The following PLXNC1 variants were observed in gnomAD, a reference collection of about 807,000 sequenced individuals.
The protein encoded by PLXNC1 is plexin-C1.
In PLXNC1, 75 loss-of-function variants were observed where a neutral mutation model predicts 178.2. The observed-to-expected ratio is 0.42, with a 90% CI of 0.35 to 0.51. The LOEUF (loss-of-function observed/expected upper bound fraction) is 0.51. PLXNC1 is among the 20% of genes least tolerant of loss of function. The pLI is 0.02. For synonymous variants in PLXNC1, 790 were observed against 779.9 expected (o/e 1.01, Z -0.22); for missense variants, 1,503 against 1,984.4 (o/e 0.76, Z 4.61).
intron 21 of PLXNC1, among the ~76,000 whole-genome samples, chr12:94,274,824 C>A (rs1565847293): frequency 6.6e-6 from 1 of 152,164 alleles, no homozygotes; most frequent in Non-Finnish European, 1.5e-5. Context: ...CCTCTCTGTG[C>A]CTCAGTTTCT....
intron 3 of PLXNC1, 50 bp from the exon 4 acceptor site, chr12:94,186,323 C>T: frequency 1.5e-6 from 2 of 1,342,320 alleles, no homozygotes; most frequent in South Asian, 1.2e-5. Flanking sequence ...TTGTAGTTTT[C>T]CTGCTGTTGC....
At chr12:94,240,167 CT>C (rs1256130316) in intron 10 of PLXNC1, among the ~76,000 whole-genome samples, 5 of 152,168 alleles carry the variant, frequency 3.3e-5, no homozygotes, top group East Asian at 1.9e-4. Flanking sequence ...ATCCACAATT[CT>C]TAACATAATG....
intron 1 of PLXNC1, among the ~76,000 whole-genome samples, chr12:94,164,851 G>A (rs1316063483): frequency 6.6e-6 from 1 of 152,156 alleles, no homozygotes; most frequent in African/African-American, 2.4e-5. Flanking sequence ...CCCTCTTAGA[G>A]CCGGCAAACG....
chr12:94,191,668 C>T (rs1219513406), intron 4 of PLXNC1, among the ~76,000 whole-genome samples: 1 of 151,762 alleles, frequency 6.6e-6, no homozygotes, highest in Non-Finnish European at 1.5e-5. Flanking sequence ...CCTGTAATCC[C>T]AGCAACACGG....
In PLXNC1 at chr12:94,149,406, C is replaced by G; in HGVS notation, c.435C>G (p.Asn145Lys). ...EVRPLGNLSR[N>K]SLRNGTEVVS... ...GGCCCCTGGGCAACCTGAGCCGCAA[C>G]TCCCTGCGCAACGGCACCGAGGTGG... The change falls in exon 1 of 31, where the codon AAC (asparagine) becomes AAG (lysine). Residue 145 changes from asparagine (N) to lysine (K), a missense_variant. Asn to Lys is a moderately conservative substitution (Grantham distance 94). Coordinates refer to ENST00000258526, the MANE Select transcript of PLXNC1 (RefSeq NM_005761.3). The G allele has an allele frequency of 7.0e-7, 1 of 1,434,208 alleles. No homozygotes were observed. Among genetic ancestry groups the G allele is most frequent in the Non-Finnish European group, 9.1e-7 (1 of 1,103,868 alleles). The allele number at this position is 1,434,208 out of a possible 1,614,324, so 88.8% of individuals were successfully genotyped here.
intron 27 of PLXNC1, 127 bp downstream of exon 27, chr12:94,298,922 T>G: frequency 2.3e-6 from 2 of 874,714 alleles, no homozygotes; most frequent in South Asian, 3.6e-5. Context: ...CTTGGTAAGC[T>G]ATCATGTCAA....
At chr12:94,281,430 T>A (rs547859170) in intron 22 of PLXNC1, among the ~76,000 whole-genome samples, 236 of 152,238 alleles carry the variant, frequency 1.6e-3, no homozygotes, top group Non-Finnish European at 3.0e-3. Flanking sequence ...CAGAAAGCAG[T>A]GGAGCTTGAC....
intron 2 of PLXNC1, among the ~76,000 whole-genome samples, chr12:94,174,146 A>G (rs750937423): frequency 6.6e-6 from 1 of 151,874 alleles, no homozygotes; most frequent in Admixed American, 6.6e-5. Flanking sequence ...CTGGTTACCT[A>G]TGTGGCCCTC....
Position 94,306,600 on chromosome 12 carries a change from T to C in PLXNC1, c.*1315T>C, listed in dbSNP as rs542845120. On this transcript the variant is annotated 3_prime_UTR_variant, in exon 31 of 31. Transcript: ENST00000258526. ...AGCTTTTCTTGTGGCAGGCACCTTT[T>C]ACCCTTGGTGCTCCAAATCCCCCAT... 8.5e-5 allele frequency: 13 copies of C among 152,334 alleles called. No homozygotes were observed. In the East Asian group the frequency reaches 2.5e-3, roughly 29 times the overall value. 9.4% of individuals were successfully genotyped at this position (152,334 alleles called of 1,614,324 possible). A position where few individuals can be genotyped will look rare whatever the true frequency, so the allele number is the denominator to read the frequency against.
intron 22 of PLXNC1, among the ~76,000 whole-genome samples, chr12:94,281,452 G>A (rs1453151049): frequency 1.3e-5 from 2 of 152,274 alleles, no homozygotes; most frequent in Admixed American, 6.5e-5. Context: ...TAATGGGAAA[G>A]GACTCGCCAT....
chr12:94,212,416 G>T (rs1305086328), intron 5 of PLXNC1, among the ~76,000 whole-genome samples: 1 of 151,816 alleles, frequency 6.6e-6, no homozygotes, highest in Non-Finnish European at 1.5e-5. Context: ...ATGTTGGTTT[G>T]CTGCACCCAT....
At chr12:94,279,329 T>C (rs1320496869) in intron 21 of PLXNC1, 143 bp from the exon 22 acceptor site, 4 of 629,268 alleles carry the variant, frequency 6.4e-6, no homozygotes, top group Non-Finnish European at 8.3e-6. Flanking sequence ...GGAGAAAAGA[T>C]GAAAGTAGTC....
At chr12:94,182,569 C>A (rs1261317607) in intron 3 of PLXNC1, among the ~76,000 whole-genome samples, 1 of 149,918 alleles carries the variant, frequency 6.7e-6, no homozygotes, top group Non-Finnish European at 1.5e-5. Context: ...ACTAAAAATA[C>A]AAACAATTAG....
intron 4 of PLXNC1, among the ~76,000 whole-genome samples, chr12:94,193,979 A>G (rs1273775978): frequency 6.6e-6 from 1 of 152,204 alleles, no homozygotes; most frequent in Non-Finnish European, 1.5e-5. Flanking sequence ...GGTAATTTAT[A>G]AAGAAAAGAG....
At chr12:94,157,284 A>AGT (rs1961210953) in intron 1 of PLXNC1, among the ~76,000 whole-genome samples, 2 of 152,164 alleles carry the variant, frequency 1.3e-5, no homozygotes, top group Non-Finnish European at 2.9e-5. Flanking sequence ...CACCAAGACC[A>AGT]ACATCTTGAT....
At chr12:94,154,704 C>A (rs995409266) in intron 1 of PLXNC1, among the ~76,000 whole-genome samples, 1 of 152,190 alleles carries the variant, frequency 6.6e-6, no homozygotes, top group Non-Finnish European at 1.5e-5. Context: ...CATAGGATAG[C>A]AGAGAATCCT....
chr12:94,242,487 G>A (rs138621929), intron 11 of PLXNC1, among the ~76,000 whole-genome samples: 1 of 151,754 alleles, frequency 6.6e-6, no homozygotes. Context: ...TGTTGGATTA[G>A]GGCCCACCCC....
rs1317776233 is a variant in PLXNC1 at position 94,307,049 on chromosome 12, C to T, written c.*1764C>T. 1 of 152,196 alleles carries T rather than the reference C, an allele frequency of 6.6e-6. No homozygotes were observed. The highest frequency in any genetic ancestry group is 1.5e-5 in the Non-Finnish European group (1 of 68,054). 9.4% of individuals were successfully genotyped at this position (152,196 alleles called of 1,614,324 possible). ...AGGAGAGTTGCCCAAAAGACTTCCC[C>T]TACTACTTTAGGGTACTGAAAACTC... is the stretch of plus-strand genomic sequence containing the variant. On this transcript the variant is annotated 3_prime_UTR_variant, in exon 31 of 31. Coordinates refer to ENST00000258526, the MANE Select transcript of PLXNC1 (RefSeq NM_005761.3).
chr12:94,190,663 A>G (rs1962688021), intron 4 of PLXNC1, among the ~76,000 whole-genome samples: 1 of 152,152 alleles, frequency 6.6e-6, no homozygotes, highest in Non-Finnish European at 1.5e-5. Context: ...CTGGCTTTCC[A>G]TCTTAGAACT....
Sources: gnomAD v4.1 joint callset for allele counts (sites outside exome capture counted in the v4.1 genomes callset) on GRCh38, gnomAD v4.1.1 for gene constraint, MANE v1.5 for transcripts, NCBI Gene and HGNC (gene_info 2026-07-23, HGNC 2026-07-21) for gene names.